Variants in UTP14A observed in about 807,000 individuals in gnomAD.
UTP14A encodes the protein U3 small nucleolar RNA-associated protein 14 homolog A.
In UTP14A, 5 loss-of-function variants were observed where a neutral mutation model predicts 57.2. The ratio of observed to expected loss-of-function variants is 0.09; its 90% CI spans 0.05 to 0.18. The LOEUF (loss-of-function observed/expected upper bound fraction) is 0.18, where lower values mean the gene tolerates loss of function less well. UTP14A is among the 10% of genes least tolerant of loss of function. The pLI, the probability that UTP14A is intolerant of heterozygous loss-of-function variation, is 1.00. For synonymous variants in UTP14A, 169 were observed against 210.9 expected (o/e 0.80, Z 1.72); for missense variants, 430 against 562.1 (o/e 0.76, Z 2.38).
intron 5 of UTP14A, 130 bp from the exon 6 acceptor site, chrX:129,911,636 T>A (rs1929472469): frequency 3.8e-6 from 3 of 787,161 alleles, no homozygotes. Flanking sequence ...TCCTGATTCT[T>A]TCATCCTGAT....
chrX:129,926,170 G>C, intron 13 of UTP14A, 58 bp downstream of exon 13: 2 of 1,207,335 alleles, frequency 1.7e-6, no homozygotes, highest in Non-Finnish European at 2.2e-6. Flanking sequence ...TCGCCCTTCG[G>C]TGTCCTCCCT....
chrX:129,925,858 C>A, intron 12 of UTP14A, 61 bp from the exon 13 acceptor site: 2 of 1,173,163 alleles, frequency 1.7e-6, no homozygotes. Flanking sequence ...GAAATTCAAG[C>A]GTTCTCGCCA....
chrX:129,921,385 T>A lies in UTP14A; in HGVS notation c.1146T>A (p.Ser382Arg), dbSNP rs749132506. Reference protein sequence around the residue: ...PNPWMLRSCTSDTKEAATQED... With the variant: ...PNPWMLRSCTRDTKEAATQED... ...CCTGGATGCTCAGGAGCTGCACCAG[T>A]GACACCAAAGAGGCTGCAACCCAGG... is the stretch of plus-strand genomic sequence containing the variant. The change falls in exon 11 of 15, where the codon AGT (serine) becomes AGA (arginine). Residue 382 changes from serine to arginine, a missense_variant. By Grantham distance (110) the Ser-to-Arg change is moderately radical. Around this residue, in one of 4 missense-constraint regions of UTP14A, gnomAD observed 83 missense variants for 140.4 expected, o/e 0.59. Coordinates refer to ENST00000394422, the MANE Select transcript of UTP14A (RefSeq NM_006649.4). 1.1e-5 allele frequency: 13 copies of A among 1,209,709 alleles called. No individual in the cohort carries two copies. In the South Asian group the frequency reaches 1.9e-4, roughly 18 times the overall value.
At chrX:129,925,255 A>T in intron 12 of UTP14A, 60 bp downstream of exon 12, 1 of 1,159,771 alleles carries the variant, frequency 8.6e-7, no homozygotes, top group Non-Finnish European at 1.2e-6. Context: ...CGCAAGGAGT[A>T]ATGAAGCTTT....
intron 1 of UTP14A, 146 bp from the exon 2 acceptor site, chrX:129,907,221 C>T (rs1281409854): frequency 6.6e-6 from 3 of 453,061 alleles, no homozygotes; most frequent in African/African-American, 5.0e-5. Context: ...ACAATGTTTT[C>T]GAGATTGTTT....
At chrX:129,909,206 CTTT>C (rs753147882) in intron 4 of UTP14A, among the ~76,000 whole-genome samples, 10 of 84,431 alleles carry the variant, frequency 1.2e-4, no homozygotes, top group Non-Finnish European at 2.3e-4. Flanking sequence ...CCTTTCAAGC[CTTT>C]TTTTTTTTTT....
At chrX:129,914,780 T>G (rs936030571) in intron 6 of UTP14A, among the ~76,000 whole-genome samples, 1 of 112,456 alleles carries the variant, frequency 8.9e-6, no homozygotes, top group Non-Finnish European at 1.9e-5. Context: ...TACAGTGGTA[T>G]TTCCCAAGGC....
Position 129,929,677 on chromosome X carries a change from G to C in UTP14A, c.*69G>C. The C allele has an allele frequency of 8.7e-7, 1 of 1,143,449 alleles. No homozygotes were observed. Among genetic ancestry groups the C allele is most frequent in the Admixed American group, 2.5e-5 (1 of 40,293 alleles). The allele number at this position is 1,143,449 out of a possible 1,213,427, so 94.2% of individuals were successfully genotyped here. A position where few individuals can be genotyped will look rare whatever the true frequency, so the allele number is the denominator to read the frequency against. On this transcript the variant is annotated 3_prime_UTR_variant, in exon 15 of 15. Transcript: ENST00000394422. Reference sequence around the variant, plus strand: ...TTGGTCCAGTTTTACTCTGATACAGGGTGGATTCCAAAACTGGCTCAGTAC... The same window carrying C: ...TTGGTCCAGTTTTACTCTGATACAGCGTGGATTCCAAAACTGGCTCAGTAC...
intron 1 of UTP14A, among the ~76,000 whole-genome samples, chrX:129,906,460 T>A (rs1569334584): frequency 8.9e-6 from 1 of 112,297 alleles, no homozygotes; most frequent in Non-Finnish European, 1.9e-5. Flanking sequence ...TTGGTCCTGA[T>A]GCTGTTTCTG....
At chrX:129,910,692 C>A (rs1457671840) in intron 4 of UTP14A, among the ~76,000 whole-genome samples, 1 of 112,228 alleles carries the variant, frequency 8.9e-6, no homozygotes, top group East Asian at 2.8e-4. Flanking sequence ...AAAAAGATCA[C>A]TTTGGCTGTT....
At chrX:129,926,363 G>T in intron 14 of UTP14A, 24 bp downstream of exon 14, 1 of 1,169,736 alleles carries the variant, frequency 8.5e-7, no homozygotes, top group Non-Finnish European at 1.2e-6. Flanking sequence ...GAGCTCTTTA[G>T]CTGCCTGCTT....
Position 129,920,817 on chromosome X carries a change from G to A in UTP14A, c.954+65G>A, listed in dbSNP as rs1251501721. The stretch of plus-strand genomic sequence containing the variant: ...GGATGCTAGCAGAAGCAGAGTTGGG[G>A]AAGAGCCATGAGGATGGATGGAAAA... On this transcript the variant is annotated intron_variant, in intron 10 of 14. Transcript: ENST00000394422. 5 of 1,205,839 alleles carry A rather than the reference G, an allele frequency of 4.1e-6. No homozygotes were observed. In the African/African-American group the frequency reaches 5.3e-5, roughly 13 times the overall value.
intron 12 of UTP14A, 140 bp from the exon 13 acceptor site, chrX:129,925,779 A>C: frequency 1.4e-6 from 1 of 721,667 alleles, no homozygotes; most frequent in Non-Finnish European, 2.0e-6. Context: ...TTGGCTGTGC[A>C]CTGGTTTGTA....
intron 11 of UTP14A, among the ~76,000 whole-genome samples, chrX:129,924,456 T>C (rs1930027540): frequency 9.2e-6 from 1 of 108,630 alleles, no homozygotes; most frequent in Admixed American, 9.9e-5. Flanking sequence ...CAGCTAATTT[T>C]TTGTATTTTT....
intron 14 of UTP14A, among the ~76,000 whole-genome samples, chrX:129,927,246 A>T (rs1234327166): frequency 9.0e-6 from 1 of 110,843 alleles, no homozygotes; most frequent in African/African-American, 3.3e-5. Context: ...CATCTTTTTA[A>T]TAAGTTACTG....
At chrX:129,925,275 G>C in intron 12 of UTP14A, 80 bp downstream of exon 12, 2 of 1,128,374 alleles carry the variant, frequency 1.8e-6, no homozygotes, top group Non-Finnish European at 2.4e-6. Context: ...TGTTTTGCTG[G>C]GGGCACATTT....
chrX:129,919,613 G>A, intron 8 of UTP14A, 124 bp downstream of exon 8: 4 of 769,926 alleles, frequency 5.2e-6, no homozygotes, highest in Non-Finnish European at 7.4e-6. Context: ...TCCCAAACAG[G>A]AGTGACTAGC....
At chrX:129,919,067 C>T in intron 6 of UTP14A, 108 bp from the exon 7 acceptor site, 1 of 1,132,723 alleles carries the variant, frequency 8.8e-7, no homozygotes, top group Non-Finnish European at 1.2e-6. Context: ...ATCCTATCCA[C>T]TTATGATTCC....
intron 12 of UTP14A, 76 bp downstream of exon 12, chrX:129,925,271 G>A (rs1406574907): frequency 1.8e-6 from 2 of 1,132,846 alleles, no homozygotes; most frequent in Non-Finnish European, 2.4e-6. Context: ...GCTTTGTTTT[G>A]CTGGGGGCAC....
Sources: allele counts gnomAD v4.1 joint callset (sites outside exome capture counted in the v4.1 genomes callset), GRCh38; gene constraint gnomAD v4.1.1; regional missense constraint gnomAD v4.1.1; transcripts MANE v1.5; gene names NCBI Gene and HGNC (gene_info 2026-07-23, HGNC 2026-07-21).